The following DIXDC1 variants were observed in gnomAD, a reference collection of about 807,000 sequenced individuals.
DIXDC1 encodes dixin.
In DIXDC1, 64 loss-of-function variants were observed where a neutral mutation model predicts 103.1. The observed-to-expected ratio is 0.62, with a 90% confidence interval of 0.51 to 0.76. The LOEUF is 0.76. Ranked by LOEUF, DIXDC1 falls within the 30% of genes least tolerant of loss-of-function variation. The pLI is 0.00. For synonymous variants in DIXDC1, 266 were observed against 298.5 expected, an observed-to-expected ratio of 0.89 and a Z score of 1.12; for missense variants, 759 against 834.2, an observed-to-expected ratio of 0.91 and a Z score of 1.11.
intron 17 of DIXDC1, among the ~76,000 whole-genome samples, chr11:112,010,643 C>A (rs1555177126): frequency 6.6e-6 from 1 of 152,144 alleles, no homozygotes; most frequent in East Asian, 1.9e-4. Flanking sequence ...TCAGAAATAA[C>A]ACCACACATT....
chr11:112,009,702 G>C (rs142453701), intron 17 of DIXDC1, among the ~76,000 whole-genome samples: 12,770 of 151,990 alleles, frequency 0.084, 1,607 homozygotes, highest in African/African-American at 0.27. Flanking sequence ...GAACCAAAGA[G>C]AAAAACCACA....
chr11:111,982,613 G>T, intron 7 of DIXDC1, 126 bp downstream of exon 7: 1 of 1,028,566 alleles, frequency 9.7e-7, no homozygotes. Flanking sequence ...TTAGATATAG[G>T]GAATAGCACA....
intron 2 of DIXDC1, among the ~76,000 whole-genome samples, chr11:111,930,187 A>G (rs1965966670): frequency 6.6e-6 from 1 of 152,196 alleles, no homozygotes; most frequent in Non-Finnish European, 1.5e-5. Context: ...AAAGTTTGTT[A>G]TAGCAATAAT....
chr11:112,008,490 T>C (rs1165428749), intron 17 of DIXDC1, among the ~76,000 whole-genome samples: 31 of 152,186 alleles, frequency 2.0e-4, no homozygotes, highest in Non-Finnish European at 3.1e-4. Flanking sequence ...CCACCCCAAA[T>C]CAACAGAATA....
At chr11:111,993,093 A>G (rs1860759116) in intron 12 of DIXDC1, 89 bp downstream of exon 12, 4 of 1,399,490 alleles carry the variant, frequency 2.9e-6, no homozygotes, top group African/African-American at 2.9e-5. Context: ...TAAGTATTCT[A>G]TTTTCATCCT....
chr11:112,002,393 C>G (rs1861096657), intron 17 of DIXDC1, among the ~76,000 whole-genome samples: 2 of 152,166 alleles, frequency 1.3e-5, no homozygotes, highest in South Asian at 4.1e-4. Context: ...ACAAATAGAG[C>G]TACCATGTGA....
intron 2 of DIXDC1, among the ~76,000 whole-genome samples, chr11:111,930,124 G>A (rs1044839726): frequency 4.6e-5 from 7 of 152,022 alleles, no homozygotes; most frequent in Non-Finnish European, 1.0e-4. Flanking sequence ...AAATAAGGCA[G>A]AGGTTGAGAA....
intron 1 of DIXDC1, among the ~76,000 whole-genome samples, chr11:111,955,987 T>TATACAC (rs373096153): frequency 3.5e-5 from 5 of 142,532 alleles, no homozygotes; most frequent in African/African-American, 1.3e-4. Context: ...TATATATGTG[T>TATACAC]ACACACACAC....
chr11:112,012,280 A>C (rs587694168), intron 17 of DIXDC1, among the ~76,000 whole-genome samples: 1 of 152,364 alleles, frequency 6.6e-6, no homozygotes, highest in South Asian at 2.1e-4. Flanking sequence ...AAAGATGAAC[A>C]GTGCAGTTGG....
rs587616879 is a variant in DIXDC1 at position 111,962,886 on chromosome 11, C to A, written c.61-1663C>A. 3.8e-4 allele frequency among the ~76,000 whole-genome samples: 58 copies of A among 152,304 alleles called. 1 individual carries two copies. The highest frequency in any genetic ancestry group is 1.3e-3 in the African/African-American group (56 of 41,572). On this transcript the variant is annotated intron_variant, in intron 1 of 19. Coordinates refer to ENST00000440460, the MANE Select transcript of DIXDC1 (RefSeq NM_001037954.4). ...CCTTTGCCTGGTCTGCTTCTGACTG[C>A]ACAATGGGAGCAGACCTTGGAGCAT... is the stretch of plus-strand genomic sequence containing the variant.
chr11:112,016,942 AT>A (rs1415602196), intron 18 of DIXDC1, 146 bp downstream of exon 18: 1 of 664,676 alleles, frequency 1.5e-6, no homozygotes, highest in Non-Finnish European at 2.5e-6. Flanking sequence ...AGAGAGACAG[AT>A]TCTAGTTTCA....
intron 1 of DIXDC1, among the ~76,000 whole-genome samples, chr11:111,939,160 T>C (rs1436326742): frequency 6.6e-6 from 1 of 152,258 alleles, no homozygotes; most frequent in Non-Finnish European, 1.5e-5. Flanking sequence ...CAGCTCTTGA[T>C]GGTCCCACTG....
chr11:112,004,946 G>A (rs1861188449), intron 17 of DIXDC1, among the ~76,000 whole-genome samples: 1 of 152,134 alleles, frequency 6.6e-6, no homozygotes. Context: ...CTTAACATAT[G>A]TCTGGCATTC....
chr11:112,015,289 A>G (rs1861551978), intron 17 of DIXDC1: 1 of 152,252 alleles, frequency 6.6e-6, no homozygotes, highest in African/African-American at 2.4e-5. Flanking sequence ...TTCATCCTTC[A>G]TATTCCTTAT....
Position 111,998,239 on chromosome 11 carries a change from C to CAATG in DIXDC1, c.1756+2094_1756+2097dup, listed in dbSNP as rs1860963785. Reference sequence around the variant, plus strand: ...TTACTAAGCATCCATTATTCACCATCAATGTTAGATGCTGGAGATATAGAG... The same window carrying CAATG: ...TTACTAAGCATCCATTATTCACCATCAATGAATGTTAGATGCTGGAGATATAGAG... On this transcript the variant is annotated intron_variant, in intron 17 of 19. Coordinates refer to ENST00000440460, the MANE Select transcript of DIXDC1 (RefSeq NM_001037954.4). The surrounding 1 kb of genome is among the most constrained non-coding windows in gnomAD (Gnocchi z 4.1). Among the ~76,000 whole-genome samples the CAATG allele has an allele frequency of 6.6e-6, 1 of 152,202 alleles. No individual in the cohort carries two copies. Among genetic ancestry groups the CAATG allele is most frequent in the Non-Finnish European group, 1.5e-5 (1 of 68,038 alleles).
chr11:111,999,696 C>G (rs968027527), intron 17 of DIXDC1, among the ~76,000 whole-genome samples: 1 of 151,910 alleles, frequency 6.6e-6, no homozygotes, highest in Non-Finnish European at 1.5e-5. Flanking sequence ...GAAACCCTGT[C>G]TCTGCTAAAA....
intron 7 of DIXDC1, among the ~76,000 whole-genome samples, chr11:111,983,562 G>A (rs782472847): frequency 2.6e-5 from 4 of 152,140 alleles, no homozygotes; most frequent in Middle Eastern, 3.2e-3. Flanking sequence ...ATGTTTTTGT[G>A]TGTGTTTTAC....
rs377263228 is a variant in DIXDC1 at position 112,003,742 on chromosome 11, G to C, written c.1756+7596G>C. Among the ~76,000 whole-genome samples, 4 of 151,896 alleles carry C rather than the reference G, an allele frequency of 2.6e-5. No homozygotes were observed. In the East Asian group the frequency reaches 7.7e-4, roughly 29 times the overall value. ...GAACCCGGGAGGTGGAGGTTGCGGT[G>C]AGCCGAGATCATGCCATTGCACTCC... On this transcript the variant is annotated intron_variant, in intron 17 of 19. Transcript: ENST00000440460.
At chr11:111,960,686 T>C (rs1313653178) in intron 1 of DIXDC1, among the ~76,000 whole-genome samples, 2 of 152,284 alleles carry the variant, frequency 1.3e-5, no homozygotes, top group South Asian at 4.1e-4. Flanking sequence ...CATCTCTGCA[T>C]GTTACTAGGA....
Sources: allele counts gnomAD v4.1 joint callset (sites outside exome capture counted in the v4.1 genomes callset), GRCh38; gene constraint gnomAD v4.1.1; non-coding constraint Gnocchi (gnomAD v3.1); transcripts MANE v1.5; gene names NCBI Gene and HGNC (gene_info 2026-07-23, HGNC 2026-07-21).